The following USP40 variants were observed in gnomAD, a reference collection of about 807,000 sequenced individuals.
USP40 encodes the protein ubiquitin specific peptidase 40, also known as ubiquitin carboxyl-terminal hydrolase 40.
In USP40, 143 loss-of-function variants were observed where a neutral mutation model predicts 166.2. The ratio of observed to expected loss-of-function variants is 0.86; its 90% CI spans 0.75 to 0.99. The LOEUF is 0.99. USP40 is among the 50% of genes least tolerant of loss of function. The pLI is 0.00. For synonymous variants in USP40, 498 were observed against 524.0 expected (o/e 0.95, Z 0.68); for missense variants, 1,444 against 1,479.7 (o/e 0.98, Z 0.40).
At chr2:233,499,788 A>T (rs1388752655) in intron 22 of USP40, 91 bp downstream of exon 22, 15 of 1,070,672 alleles carry the variant, frequency 1.4e-5, no homozygotes, top group Admixed American at 2.6e-5. Flanking sequence ...CACCCTATAA[A>T]TTTTTTTTTC....
At chr2:233,492,018 T>A (rs1219182988) in intron 25 of USP40, among the ~76,000 whole-genome samples, 3 of 152,242 alleles carry the variant, frequency 2.0e-5, no homozygotes, top group Non-Finnish European at 2.9e-5. Context: ...AATTACAGGC[T>A]GACACTACCG....
At chr2:233,548,799 A>G (rs2125343277) in intron 8 of USP40, among the ~76,000 whole-genome samples, 1 of 152,274 alleles carries the variant, frequency 6.6e-6, no homozygotes, top group Middle Eastern at 3.4e-3. Context: ...CGCACTAATA[A>G]TGATAACGTT....
chr2:233,562,263 C>T (rs1356341655), intron 3 of USP40, among the ~76,000 whole-genome samples: 1 of 146,046 alleles, frequency 6.8e-6, no homozygotes, highest in Non-Finnish European at 1.5e-5. Context: ...GACACATGCA[C>T]ACGTATGTTT....
chr2:233,564,475 G>A (rs1307812971), intron 2 of USP40, among the ~76,000 whole-genome samples: 2 of 152,140 alleles, frequency 1.3e-5, no homozygotes, highest in African/African-American at 4.8e-5. Context: ...GGGTATGGGA[G>A]AAATATATAG....
chr2:233,502,292 G>A (rs2066125555), intron 21 of USP40, among the ~76,000 whole-genome samples: 1 of 152,132 alleles, frequency 6.6e-6, no homozygotes. Context: ...ATAGTAAAAT[G>A]ATCCTCAAAT....
At position 233,533,631 on chromosome 2, in the gene USP40, A is replaced by G; in HGVS notation, c.1319T>C (p.Leu440Ser). 3.1e-6 allele frequency: 5 copies of G among 1,613,856 alleles called. No individual in the cohort carries two copies. The highest frequency in any genetic ancestry group is 3.4e-6 in the Non-Finnish European group (4 of 1,179,820). Residue 440 changes from leucine (L) to serine (S), a missense_variant, in exon 11 of 32, where the codon TTA becomes TCA. By Grantham distance (145) the Leu-to-Ser change is moderately radical (BLOSUM62 -2). Transcript: ENST00000678225. ...GTGGGGACAGGAGATGCTATTGTTT[A>G]AACCTGGGGATTCTGGAGGAAGCAT... ...FKMLPPESPG[L>S]NNSISCPHWF... is the part of the protein sequence containing the mutation.
In USP40 at chr2:233,548,791, C is replaced by T. The variant is rs114508584; in HGVS notation, c.966+310G>A. Among the ~76,000 whole-genome samples the T allele has an allele frequency of 5.1e-3, 778 of 152,176 alleles. 4 individuals are homozygous for T. Among genetic ancestry groups the T allele is most frequent in the Non-Finnish European group, 8.3e-3 (564 of 67,946 alleles). ...CTTCAACTTAATTTCAAACGGTTCGCACTAATAATGATAACGTTAATAATG... is the reference window on the plus strand; with the variant it reads ...CTTCAACTTAATTTCAAACGGTTCGTACTAATAATGATAACGTTAATAATG... On this transcript the variant is annotated intron_variant, in intron 8 of 31. Coordinates refer to ENST00000678225, the MANE Select transcript of USP40 (RefSeq NM_001365479.2).
intron 27 of USP40, among the ~76,000 whole-genome samples, chr2:233,489,059 C>A (rs963671345): frequency 3.3e-5 from 5 of 152,176 alleles, no homozygotes; most frequent in Non-Finnish European, 7.3e-5. Flanking sequence ...CAGCTGAATC[C>A]AACATTTCTG....
intron 4 of USP40, 116 bp from the exon 5 acceptor site, chr2:233,557,135 T>C (rs1169495613): frequency 2.2e-6 from 2 of 917,210 alleles, no homozygotes; most frequent in Admixed American, 2.6e-5. Flanking sequence ...GAAGATCAGA[T>C]ATAAGAATGA....
In USP40 at chr2:233,510,035, G is replaced by A. The variant is rs1245116373; in HGVS notation, c.2613+14C>T. ...CACACACAGCCTCTGAAAACAAAAG[G>A]TAAAATTACTTACATCTCTCACAGA... On this transcript the variant is annotated intron_variant, in intron 21 of 31. Coordinates refer to ENST00000678225, the MANE Select transcript of USP40 (RefSeq NM_001365479.2). 6.4e-7 allele frequency: 1 copy of A among 1,561,880 alleles called. No homozygotes were observed. Among genetic ancestry groups the A allele is most frequent in the South Asian group, 1.2e-5 (1 of 84,922 alleles).
At chr2:233,485,508 A>G (rs758559475) in intron 30 of USP40, 23 bp downstream of exon 30, 2 of 1,592,022 alleles carry the variant, frequency 1.3e-6, no homozygotes, top group Non-Finnish European at 1.7e-6. Flanking sequence ...TCAAAGTGGT[A>G]AATTTGCTGT....
chr2:233,517,730 CATGGAACCA>C (rs377522297), intron 18 of USP40, among the ~76,000 whole-genome samples: 12 of 151,376 alleles, frequency 7.9e-5, no homozygotes, highest in African/African-American at 2.9e-4. Flanking sequence ...ATTGCAAAAT[CATGGAACCA>C]ACCCAAATGC....
At chr2:233,518,404 T>C (rs2067403757) in intron 18 of USP40, among the ~76,000 whole-genome samples, 1 of 150,458 alleles carries the variant, frequency 6.6e-6, no homozygotes, top group South Asian at 2.1e-4. Flanking sequence ...CTGTCTCTAC[T>C]AAAAACACAA....
intron 11 of USP40, among the ~76,000 whole-genome samples, chr2:233,533,091 G>A (rs2068668588): frequency 7.0e-6 from 1 of 142,898 alleles, no homozygotes; most frequent in Non-Finnish European, 1.5e-5. Context: ...GAAAATAAAG[G>A]AGAAGATATA....
intron 20 of USP40, among the ~76,000 whole-genome samples, chr2:233,510,904 T>A (rs1416113098): frequency 6.6e-6 from 1 of 152,230 alleles, no homozygotes; most frequent in Non-Finnish European, 1.5e-5. Flanking sequence ...CTTATTCAGT[T>A]CCTCATAGCC....
At chr2:233,508,332 T>A (rs987230605) in intron 21 of USP40, among the ~76,000 whole-genome samples, 1 of 152,254 alleles carries the variant, frequency 6.6e-6, no homozygotes, top group East Asian at 1.9e-4. Context: ...CTGGTTGCTA[T>A]GTCTTTTAAG....
At chr2:233,536,169 A>G (rs1423687210) in intron 10 of USP40, among the ~76,000 whole-genome samples, 3 of 152,180 alleles carry the variant, frequency 2.0e-5, no homozygotes, top group Non-Finnish European at 4.4e-5. Flanking sequence ...TCTAGCTACT[A>G]TAATAGCAAA....
chr2:233,481,924 G>C (rs1296173533), intron 30 of USP40, among the ~76,000 whole-genome samples: 2 of 152,226 alleles, frequency 1.3e-5, no homozygotes, highest in African/African-American at 4.8e-5. Context: ...CCCAGGAAGG[G>C]AAGTGCGTGT....
chr2:233,492,710 G>C lies in USP40; in HGVS notation c.2917+715C>G, dbSNP rs376498120. Reference sequence around the variant, plus strand: ...TTACTGAGGCTGAAAAGATTAAAAAGAAATATAAGTAATATACTTCAAGGC... The same window carrying C: ...TTACTGAGGCTGAAAAGATTAAAAACAAATATAAGTAATATACTTCAAGGC... On this transcript the variant is annotated intron_variant, in intron 25 of 31. Transcript: ENST00000678225. The C allele has an allele frequency of 2.6e-5, 4 of 152,186 alleles. No individual in the cohort carries two copies. In the East Asian group the frequency reaches 7.7e-4, roughly 29 times the overall value. The allele number at this position is 152,186 out of a possible 1,614,324, so 9.4% of individuals were successfully genotyped here.
Sources: gnomAD v4.1 joint callset for allele counts (sites outside exome capture counted in the v4.1 genomes callset) on GRCh38, gnomAD v4.1.1 for gene constraint, MANE v1.5 for transcripts, NCBI Gene and HGNC (gene_info 2026-07-23, HGNC 2026-07-21) for gene names.